The following RPSA2 variants were observed in gnomAD, a reference collection of about 807,000 sequenced individuals.
RPSA2 encodes ribosomal protein SA 2.
At chr19:23,867,664 A>G in the RPSA2 span, among the ~76,000 whole-genome samples, 1 of 152,080 alleles carries the variant, frequency 6.6e-6, no homozygotes, top group African/African-American at 2.4e-5. Flanking sequence ...CCCCACCTCT[A>G]CTAAAAATAC....
the RPSA2 span, among the ~76,000 whole-genome samples, chr19:23,843,721 T>A: frequency 4.6e-5 from 7 of 152,212 alleles, no homozygotes; most frequent in African/African-American, 1.4e-4. Context: ...GACATGTTAC[T>A]TGTTATTTAT....
chr19:23,869,164 G>A, the RPSA2 span, among the ~76,000 whole-genome samples: 1 of 152,154 alleles, frequency 6.6e-6, no homozygotes, highest in African/African-American at 2.4e-5. Flanking sequence ...TGATCAGGGA[G>A]CATGGGCTCC....
the RPSA2 span, among the ~76,000 whole-genome samples, chr19:23,761,009 A>G: frequency 1.3e-5 from 2 of 148,558 alleles, no homozygotes; most frequent in African/African-American, 5.0e-5. Flanking sequence ...GTATAAATAT[A>G]TGTGTGTATA....
the RPSA2 span, among the ~76,000 whole-genome samples, chr19:23,760,725 T>C: frequency 2.0e-5 from 3 of 150,006 alleles, no homozygotes; most frequent in Admixed American, 6.7e-5. Context: ...AGTGCAATGG[T>C]GCAGTCTCGG....
At chr19:23,768,472 A>T in the RPSA2 span, among the ~76,000 whole-genome samples, 9 of 150,780 alleles carry the variant, frequency 6.0e-5, no homozygotes, top group East Asian at 1.8e-3. Context: ...TATGACATGG[A>T]ACTTGACACT....
At chr19:23,851,391 G>A in the RPSA2 span, among the ~76,000 whole-genome samples, 1 of 152,170 alleles carries the variant, frequency 6.6e-6, no homozygotes, top group Admixed American at 6.5e-5. Context: ...GGTTGCAAAA[G>A]AGACCAAAAG....
the RPSA2 span, among the ~76,000 whole-genome samples, chr19:23,840,470 G>A: frequency 6.6e-6 from 1 of 152,138 alleles, no homozygotes; most frequent in Non-Finnish European, 1.5e-5. Context: ...ATCAGTGAGG[G>A]AGAAAACTGC....
At chr19:23,832,141 T>A in the RPSA2 span, 4 of 420,502 alleles carry the variant, frequency 9.5e-6, no homozygotes, top group Admixed American at 3.1e-5. Context: ...ACTTTACAGA[T>A]GTGAAGAATG....
At chr19:23,843,766 T>G in the RPSA2 span, among the ~76,000 whole-genome samples, 5 of 152,184 alleles carry the variant, frequency 3.3e-5, no homozygotes, top group Non-Finnish European at 7.3e-5. Flanking sequence ...TTCTTCTGTT[T>G]TCTTTTTTTT....
the RPSA2 span, among the ~76,000 whole-genome samples, chr19:23,869,824 G>A: frequency 6.6e-6 from 1 of 152,132 alleles, no homozygotes; most frequent in African/African-American, 2.4e-5. Context: ...TACCAGTACT[G>A]CTACTCAACA....
chr19:23,791,252 C>T, the RPSA2 span, among the ~76,000 whole-genome samples: 1 of 152,078 alleles, frequency 6.6e-6, no homozygotes, highest in African/African-American at 2.4e-5. Context: ...CCACCCATCT[C>T]GGCCCCGTAA....
At chr19:23,853,457 A>C in the RPSA2 span, among the ~76,000 whole-genome samples, 2 of 152,372 alleles carry the variant, frequency 1.3e-5, no homozygotes, top group South Asian at 4.1e-4. Context: ...TAAAGCCTCC[A>C]GTTTTTCTTT....
At chr19:23,792,081 T>C in the RPSA2 span, among the ~76,000 whole-genome samples, 1 of 152,242 alleles carries the variant, frequency 6.6e-6, no homozygotes, top group Non-Finnish European at 1.5e-5. Flanking sequence ...CTGAAAGGAA[T>C]AAATGATTTT....
At chr19:23,851,509 T>A in the RPSA2 span, among the ~76,000 whole-genome samples, 1 of 152,200 alleles carries the variant, frequency 6.6e-6, no homozygotes, top group Non-Finnish European at 1.5e-5. Flanking sequence ...GTTGTAACCT[T>A]GAAGATAAGC....
At chr19:23,830,583 T>TTA in the RPSA2 span, among the ~76,000 whole-genome samples, 8 of 152,022 alleles carry the variant, frequency 5.3e-5, no homozygotes, top group Non-Finnish European at 1.2e-4. Context: ...CATCATATTT[T>TTA]CTTTTAGGAT....
chr19:23,838,396 CT>C, the RPSA2 span, among the ~76,000 whole-genome samples: 1 of 151,932 alleles, frequency 6.6e-6, no homozygotes, highest in African/African-American at 2.4e-5. Flanking sequence ...CTGTAGTTTT[CT>C]TTTTGGTTGT....
chr19:23,779,288 C>T, the RPSA2 span, among the ~76,000 whole-genome samples: 1 of 152,168 alleles, frequency 6.6e-6, no homozygotes, highest in African/African-American at 2.4e-5. Context: ...GCGTGAGCCA[C>T]TGCGCCCGGC....
At chr19:23,853,635 C>T in the RPSA2 span, among the ~76,000 whole-genome samples, 4 of 152,112 alleles carry the variant, frequency 2.6e-5, no homozygotes, top group Non-Finnish European at 4.4e-5. Flanking sequence ...GGGCTGGTAC[C>T]GAGTCTGGGA....
At chr19:23,870,613 G>A in the RPSA2 span, among the ~76,000 whole-genome samples, 7 of 152,140 alleles carry the variant, frequency 4.6e-5, no homozygotes, top group African/African-American at 1.7e-4. Flanking sequence ...GGCCTGGAGA[G>A]CCTCAATCCT....
Sources: gnomAD v4.1 joint callset for allele counts (sites outside exome capture counted in the v4.1 genomes callset) on GRCh38, gnomAD v4.1.1 for gene constraint, MANE v1.5 for transcripts, NCBI Gene and HGNC (gene_info 2026-07-23, HGNC 2026-07-21) for gene names.